CD22: variants seen among roughly 807,000 people sequenced by gnomAD.
The protein encoded by CD22 is B-cell receptor CD22.
A neutral mutation model predicts 94.7 loss-of-function variants in CD22; 51 were observed. The ratio of observed to expected loss-of-function variants is 0.54; its 90% CI spans 0.43 to 0.68. The LOEUF (loss-of-function observed/expected upper bound fraction) is 0.68. CD22 is among the 30% of genes least tolerant of loss of function. The pLI is 0.00. For missense variants in CD22, 931 were observed against 1,060.4 expected, an observed-to-expected ratio of 0.88 and a Z score of 1.69; for synonymous variants, 424 against 422.5, an observed-to-expected ratio of 1.00 and a Z score of -0.04.
At chr19:35,330,440 G>A (rs549828129) in intron 1 of CD22, 22 of 152,328 alleles carry the variant, frequency 1.4e-4, no homozygotes, top group African/African-American at 4.6e-4. Flanking sequence ...GAGTACCTGC[G>A]GGGCTGATGT....
chr19:35,332,506 C>G, intron 2 of CD22, 41 bp from the exon 3 acceptor site: 5 of 1,526,742 alleles, frequency 3.3e-6, no homozygotes, highest in Middle Eastern at 1.8e-4. Context: ...AAAGAAGGCT[C>G]TCATGCCCCC....
At position 35,338,249 on chromosome 19, in the gene CD22, T is replaced by C; in HGVS notation, c.1067T>C (p.Leu356Pro). ...GSQVEFLCMS[L>P]ANPLPTNYTW... ...CAAGTCGAGTTTCTTTGCATGTCAC[T>C]GGCCAATCCTCTTCCAACAAATTAC... is the stretch of plus-strand genomic sequence containing the variant. Residue 356 changes from leucine (L) to proline (P), a missense_variant, in exon 6 of 14, where the codon CTG becomes CCG. Leu to Pro is a moderately conservative substitution (Grantham distance 98, BLOSUM62 -3). Coordinates refer to ENST00000085219, the MANE Select transcript of CD22 (RefSeq NM_001771.4). 6.2e-7 allele frequency: 1 copy of C among 1,614,236 alleles called. No homozygotes were observed. Among genetic ancestry groups the C allele is most frequent in the Admixed American group, 1.7e-5 (1 of 60,022 alleles).
Position 35,345,588 on chromosome 19 carries a change from C to T in CD22, c.2209-14C>T, listed in dbSNP as rs758780358. 50 of 1,522,696 alleles carry T rather than the reference C, an allele frequency of 3.3e-5. No individual in the cohort carries two copies. Among genetic ancestry groups the T allele is most frequent in the Non-Finnish European group, 4.3e-5 (47 of 1,098,302 alleles). The allele number at this position is 1,522,696 out of a possible 1,614,324, so 94.3% of individuals were successfully genotyped here. A position where few individuals can be genotyped will look rare whatever the true frequency, so the allele number is the denominator to read the frequency against. On this transcript the variant is annotated splice_polypyrimidine_tract_variant and intron_variant, in intron 11 of 13. Transcript: ENST00000085219. ...GAACAGGTGGTTAGCACTTCATCCT[C>T]GTCTCCCTCCCAGGTTAGAAGGGCC...
Position 35,341,772 on chromosome 19 carries a change from G to A in CD22, c.1842G>A (p.Leu614=). ...TGATGGAGGGGAAGAGTGCAACCCT[G>A]ACCTGTGAGAGCGACGCCAACCCTC... The part of the protein sequence containing the change: ...DQVMEGKSAT[L]TCESDANPPV... The change falls in exon 9 of 14, where the codon CTG becomes CTA. Residue 614 remains leucine, a synonymous_variant. Transcript: ENST00000085219. The surrounding 1 kb of genome is among the most constrained non-coding windows in gnomAD (Gnocchi z 4.0). 6.2e-7 allele frequency: 1 copy of A among 1,612,814 alleles called. No homozygotes were observed. The highest frequency in any genetic ancestry group is 8.5e-7 in the Non-Finnish European group (1 of 1,180,004).
chr19:35,346,105 G>A lies in CD22; in HGVS notation c.2328-46G>A, dbSNP rs372210640. 533 of 1,438,404 alleles carry A rather than the reference G, an allele frequency of 3.7e-4. 2 individuals are homozygous for A. The Middle Eastern group carries it at 5.0e-3, about 14-fold the overall frequency. 89.1% of individuals were successfully genotyped at this position (1,438,404 alleles called of 1,614,324 possible). ...TGGGTGTTGAGAGGGAGGAGAGTTCGTGGGAGATGCTTCATGCGTGGTCGT... is the reference window on the plus strand; with the variant it reads ...TGGGTGTTGAGAGGGAGGAGAGTTCATGGGAGATGCTTCATGCGTGGTCGT... On this transcript the variant is annotated intron_variant, in intron 12 of 13. Coordinates refer to ENST00000085219, the MANE Select transcript of CD22 (RefSeq NM_001771.4).
At chr19:35,342,818 GA>G (rs1005743414) in intron 9 of CD22, among the ~76,000 whole-genome samples, 1 of 151,264 alleles carries the variant, frequency 6.6e-6, no homozygotes, top group Non-Finnish European at 1.5e-5. Context: ...AAACGTAAAT[GA>G]TTTTTTTTTT....
intron 2 of CD22, 171 bp from the exon 3 acceptor site, chr19:35,332,376 C>A: frequency 1.4e-6 from 1 of 725,806 alleles, no homozygotes; most frequent in Non-Finnish European, 2.2e-6. Flanking sequence ...CTTTGTGAGG[C>A]TGAGGTGGGA....
In CD22 at chr19:35,341,327, G is replaced by T. The variant is rs1428815778; in HGVS notation, c.1508-16G>T. On this transcript the variant is annotated splice_polypyrimidine_tract_variant and intron_variant, in intron 7 of 13. Coordinates refer to ENST00000085219, the MANE Select transcript of CD22 (RefSeq NM_001771.4). This position sits in a 1 kb window ranked among gnomAD's most constrained non-coding sequence, Gnocchi z 4.0. ...ACAGGGAGCGGAGAGGTCAGCTTGG[G>T]ACCCTTGCCCTCCAGATGCCCCCCG... 3 of 1,612,020 alleles carry T rather than the reference G, an allele frequency of 1.9e-6. No individual in the cohort carries two copies. Among genetic ancestry groups the T allele is most frequent in the Non-Finnish European group, 1.7e-6 (2 of 1,178,672 alleles).
intron 13 of CD22, 143 bp from the exon 14 acceptor site, chr19:35,346,423 C>A: frequency 8.1e-7 from 1 of 1,231,558 alleles, no homozygotes; most frequent in Non-Finnish European, 1.1e-6. Context: ...GTCCTGGATG[C>A]CGGCCACAGC....
intron 10 of CD22, 22 bp downstream of exon 10, chr19:35,344,947 C>T: frequency 6.2e-7 from 1 of 1,606,914 alleles, no homozygotes; most frequent in South Asian, 1.1e-5. Flanking sequence ...CCATCCCCCA[C>T]CACCTCCTCT....
chr19:35,346,244 G>C lies in CD22; in HGVS notation c.2412+9G>C, dbSNP rs893987732. On this transcript the variant is annotated intron_variant, in intron 13 of 13. Coordinates refer to ENST00000085219, the MANE Select transcript of CD22 (RefSeq NM_001771.4). ...TGCACAAGCGCCAAGTGGTAAGGAGGGTCTCCCCAGGTCTCCCCAGAGGGG... is the reference window on the plus strand; with the variant it reads ...TGCACAAGCGCCAAGTGGTAAGGAGCGTCTCCCCAGGTCTCCCCAGAGGGG... The C allele has an allele frequency of 6.3e-7, 1 of 1,599,962 alleles. No homozygotes were observed. The highest frequency in any genetic ancestry group is 8.6e-7 in the Non-Finnish European group (1 of 1,167,194).
chr19:35,338,674 G>A (rs2066760935), intron 6 of CD22, among the ~76,000 whole-genome samples: 1 of 151,882 alleles, frequency 6.6e-6, no homozygotes, highest in Non-Finnish European at 1.5e-5. Flanking sequence ...TGTCTCCCAG[G>A]CTGGAGTGCA....
In CD22 at chr19:35,341,827, A is replaced by G; in HGVS notation, c.1897A>G (p.Asn633Asp). The G allele has an allele frequency of 6.2e-7, 1 of 1,614,008 alleles. No homozygotes were observed. Among genetic ancestry groups the G allele is most frequent in the Non-Finnish European group, 8.5e-7 (1 of 1,180,014 alleles). Residue 633 changes from asparagine to aspartate, a missense_variant, in exon 9 of 14, where the codon AAT becomes GAT. By Grantham distance (23) the Asn-to-Asp change is conservative. Transcript: ENST00000085219. The surrounding 1 kb of genome is among the most constrained non-coding windows in gnomAD (Gnocchi z 4.0). Reference sequence around the variant, plus strand: ...CTCCCACTACACCTGGTTTGACTGGAATAACCAAAGCCTCCCCTACCACAG... The same window carrying G: ...CTCCCACTACACCTGGTTTGACTGGGATAACCAAAGCCTCCCCTACCACAG... ...PVSHYTWFDW[N>D]NQSLPYHSQK...
Position 35,346,556 on chromosome 19 carries a change from G to GT in CD22, c.2413-6dup. The GT allele has an allele frequency of 1.3e-6, 2 of 1,595,286 alleles. No individual in the cohort carries two copies. ...GTGGGGCCAGGCTAACCACCATGCG[G>GT]TTTTCTCAGGGCGACTATGAGAACG... is the stretch of plus-strand genomic sequence containing the variant. On this transcript the variant is annotated splice_polypyrimidine_tract_variant and intron_variant, in intron 13 of 13. Coordinates refer to ENST00000085219, the MANE Select transcript of CD22 (RefSeq NM_001771.4).
At chr19:35,342,699 A>G (rs1157298465) in intron 9 of CD22, among the ~76,000 whole-genome samples, 2 of 151,978 alleles carry the variant, frequency 1.3e-5, no homozygotes, top group East Asian at 3.9e-4. Context: ...GTCCCCTCTC[A>G]GGCTGCTCCA....
Position 35,346,841 on chromosome 19 carries a change from CTGCGGAG to C in CD22, c.*145_*151del. The C allele has an allele frequency of 1.2e-6, 1 of 824,482 alleles. No individual in the cohort carries two copies. Among genetic ancestry groups the C allele is most frequent in the Non-Finnish European group, 1.8e-6 (1 of 545,516 alleles). 51.1% of individuals were successfully genotyped at this position (824,482 alleles called of 1,614,324 possible). A position where few individuals can be genotyped will look rare whatever the true frequency, so the allele number is the denominator to read the frequency against. Reference sequence around the variant, plus strand: ...ACGCACACACACACACACACACTCACTGCGGAGAACCTTGTGCCTGGCTCAGAGCCAG... The same window carrying C: ...ACGCACACACACACACACACACTCACAACCTTGTGCCTGGCTCAGAGCCAG... On this transcript the variant is annotated 3_prime_UTR_variant, in exon 14 of 14. Transcript: ENST00000085219.
chr19:35,334,532 C>G (rs1443896632), intron 3 of CD22, among the ~76,000 whole-genome samples: 2 of 152,200 alleles, frequency 1.3e-5, no homozygotes, highest in African/African-American at 4.8e-5. Flanking sequence ...TGTGGTCACT[C>G]CGTTCCACAC....
chr19:35,341,984 C>G lies in CD22; in HGVS notation c.2035+19C>G. ...GTCTACTGTAAGGCCTCTTCCTGCTCTTGTTCTTCTTGGTGGTGGTCAGTC... is the reference window on the plus strand; with the variant it reads ...GTCTACTGTAAGGCCTCTTCCTGCTGTTGTTCTTCTTGGTGGTGGTCAGTC... On this transcript the variant is annotated intron_variant, in intron 9 of 13. Transcript: ENST00000085219. This position sits in a 1 kb window ranked among gnomAD's most constrained non-coding sequence, Gnocchi z 4.0. The G allele has an allele frequency of 6.3e-7, 1 of 1,591,798 alleles. No homozygotes were observed. The highest frequency in any genetic ancestry group is 8.6e-7 in the Non-Finnish European group (1 of 1,167,916).
Position 35,341,144 on chromosome 19 carries a change from T to C in CD22, c.1507+6T>C. The C allele has an allele frequency of 1.9e-6, 3 of 1,613,690 alleles. No individual in the cohort carries two copies. The highest frequency in any genetic ancestry group is 2.5e-6 in the Non-Finnish European group (3 of 1,179,788). On this transcript the variant is annotated splice_donor_region_variant and intron_variant, in intron 7 of 13. Transcript: ENST00000085219. The surrounding 1 kb of genome is among the most constrained non-coding windows in gnomAD (Gnocchi z 4.0). ...TGTCGCCCTGAATGTCCAGTGTGAG[T>C]CCCTGGGCTAGGCAGGGGGATCTGG...
Sources: gnomAD v4.1 joint callset for allele counts (sites outside exome capture counted in the v4.1 genomes callset) on GRCh38, gnomAD v4.1.1 for gene constraint, Gnocchi (gnomAD v3.1) non-coding constraint, MANE v1.5 for transcripts, NCBI Gene and HGNC (gene_info 2026-07-23, HGNC 2026-07-21) for gene names.